The following URGCP variants were observed in gnomAD, a reference collection of about 807,000 sequenced individuals.
The protein encoded by URGCP is upregulator of cell proliferation.
In URGCP, 13 loss-of-function variants were observed where a neutral mutation model predicts 24.6. That is an observed-to-expected ratio of 0.53 (90% CI 0.34 to 0.84). URGCP has a LOEUF of 0.84. Ranked by LOEUF, URGCP falls within the 40% of genes least tolerant of loss-of-function variation. The pLI is 0.01. For missense variants in URGCP, 899 were observed against 1,194.3 expected (o/e 0.75, Z 3.64); for synonymous variants, 444 against 487.2 (o/e 0.91, Z 1.17).
At chr7:43,884,357 C>G (rs942204064) in intron 3 of URGCP, among the ~76,000 whole-genome samples, 1 of 152,176 alleles carries the variant, frequency 6.6e-6, no homozygotes, top group African/African-American at 2.4e-5. Context: ...GAGCCAACGT[C>G]TCCACTATAC....
chr7:43,879,344 C>T, intron 5 of URGCP, 84 bp from the exon 6 acceptor site: 1 of 1,477,052 alleles, frequency 6.8e-7, no homozygotes, highest in Non-Finnish European at 9.0e-7. Flanking sequence ...GAGAGCCCAG[C>T]AGGATGGGGA....
chr7:43,920,925 G>A (rs1035855177), intron 1 of URGCP, among the ~76,000 whole-genome samples: 16 of 152,160 alleles, frequency 1.1e-4, no homozygotes, highest in African/African-American at 3.6e-4. Flanking sequence ...GGCCCCACTC[G>A]AGGCCAATAG....
At chr7:43,898,051 G>T (rs1057501601) in intron 1 of URGCP, among the ~76,000 whole-genome samples, 3 of 152,142 alleles carry the variant, frequency 2.0e-5, no homozygotes, top group African/African-American at 7.2e-5. Context: ...AGCTGGAAGG[G>T]GTTTGGAGAG....
chr7:43,919,733 G>A lies in URGCP; in HGVS notation c.-116+6399C>T, dbSNP rs887820188. 5.1e-6 allele frequency: 7 copies of A among 1,379,070 alleles called. No homozygotes were observed. In the East Asian group the frequency reaches 9.2e-5, roughly 18 times the overall value. The allele number at this position is 1,379,070 out of a possible 1,614,324, so 85.4% of individuals were successfully genotyped here. A position where few individuals can be genotyped will look rare whatever the true frequency, so the allele number is the denominator to read the frequency against. ...TGCAGAGGATCCGGGAATGGAAGTT[G>A]GCCAACTTCATCCTGTTGGGCCCCA... On this transcript the variant is annotated intron_variant, in intron 1 of 5. Transcript: ENST00000426198.
At chr7:43,898,833 G>T (rs1461799436) in intron 1 of URGCP, among the ~76,000 whole-genome samples, 1 of 146,344 alleles carries the variant, frequency 6.8e-6, no homozygotes, top group African/African-American at 2.5e-5. Context: ...TTTTCAGAGA[G>T]GAAAGAGTTA....
At chr7:43,886,867 G>A (rs1369727620) in intron 3 of URGCP, among the ~76,000 whole-genome samples, 1 of 152,208 alleles carries the variant, frequency 6.6e-6, no homozygotes, top group African/African-American at 2.4e-5. Context: ...CCTTAAAGGT[G>A]AATTTACAAA....
At chr7:43,888,630 T>G (rs1045499143) in intron 1 of URGCP, 3 of 151,926 alleles carry the variant, frequency 2.0e-5, no homozygotes, top group Admixed American at 1.3e-4. Flanking sequence ...AAACATAGAA[T>G]GGAGAGTTAC....
intron 3 of URGCP, 26 bp downstream of exon 3, chr7:43,887,389 C>A: frequency 3.7e-6 from 6 of 1,612,822 alleles, no homozygotes; most frequent in Non-Finnish European, 5.1e-6. Context: ...CCAGAGTGGG[C>A]CCACATCCAA....
intron 1 of URGCP, among the ~76,000 whole-genome samples, chr7:43,898,327 T>C (rs2095882560): frequency 6.6e-6 from 1 of 152,200 alleles, no homozygotes; most frequent in Non-Finnish European, 1.5e-5. Context: ...GCCTTCCTAT[T>C]ATACAAATAG....
rs542974573 is a variant in URGCP, at chr7:43,877,391, C to T, written c.2072G>A (p.Arg691Lys). The change falls in exon 6 of 6, where the codon AGG (arginine) becomes AAG (lysine). Residue 691 changes from arginine (R) to lysine (K), a missense_variant. Arg to Lys is a conservative substitution (Grantham distance 26). Coordinates refer to ENST00000453200, the MANE Select transcript of URGCP (RefSeq NM_001077663.3). The stretch of plus-strand genomic sequence containing the variant: ...CCCGACGGTTGACAGAACCACCAGC[C>T]TTGACCGTCTCTCCAGTCGGACGTG... ...ELHVRLERRSRLVVLSTVGVP... is the reference protein window; with the variant it reads ...ELHVRLERRSKLVVLSTVGVP... 1.1e-5 allele frequency: 18 copies of T among 1,613,118 alleles called. No individual in the cohort carries two copies. The highest frequency in any genetic ancestry group is 1.4e-5 in the Non-Finnish European group (17 of 1,180,028).
At chr7:43,906,606 T>G, upstream of URGCP, 1 of 1,200,778 alleles carries the variant, frequency 8.3e-7, no homozygotes. Context: ...TCCCGCCTCC[T>G]TCGCTTCCTC....
At chr7:43,904,635 C>T (rs1018737428) in intron 1 of URGCP, among the ~76,000 whole-genome samples, 3 of 152,180 alleles carry the variant, frequency 2.0e-5, no homozygotes, top group African/African-American at 7.2e-5. Context: ...TGCCAGTGTA[C>T]ATAATATGTG....
At chr7:43,904,121 A>G (rs1165072119) in intron 1 of URGCP, among the ~76,000 whole-genome samples, 1 of 152,138 alleles carries the variant, frequency 6.6e-6, no homozygotes, top group Admixed American at 6.5e-5. Context: ...AAATAGTTTC[A>G]TTTACCTTCA....
At chr7:43,880,930 A>T (rs748542947) in intron 5 of URGCP, among the ~76,000 whole-genome samples, 1 of 152,204 alleles carries the variant, frequency 6.6e-6, no homozygotes, top group Non-Finnish European at 1.5e-5. Context: ...CACTTTCCAT[A>T]CGACCAGCAG....
rs1352447387 is a variant in URGCP at position 43,923,279 on chromosome 7, G to GC, written c.-116+2852dup. 5.6e-5 allele frequency among the ~76,000 whole-genome samples: 7 copies of GC among 124,194 alleles called. No homozygotes were observed. In the South Asian group the frequency reaches 2.0e-3, roughly 35 times the overall value. 81.5% of individuals were successfully genotyped at this position (124,194 alleles called of 152,430 possible). On this transcript the variant is annotated intron_variant, in intron 1 of 5. Transcript: ENST00000426198. ...TTACAGGTGTGAGCCACTGTGCCCA[G>GC]CCTTTTTTTTTTTTTTTTTCCCAAA...
chr7:43,890,125 G>A (rs1373899996), intron 1 of URGCP, among the ~76,000 whole-genome samples: 2 of 151,014 alleles, frequency 1.3e-5, no homozygotes, highest in East Asian at 3.9e-4. Context: ...GGCTGGTCTT[G>A]AACTCCTGAC....
chr7:43,922,886 TTTTC>T (rs926670642), intron 1 of URGCP, among the ~76,000 whole-genome samples: 1 of 152,006 alleles, frequency 6.6e-6, no homozygotes, highest in Admixed American at 6.6e-5. Context: ...AGGCATTTTT[TTTTC>T]TTTCTCTTTC....
chr7:43,894,327 A>C (rs945772340), intron 1 of URGCP, among the ~76,000 whole-genome samples: 1 of 152,218 alleles, frequency 6.6e-6, no homozygotes, highest in African/African-American at 2.4e-5. Flanking sequence ...GTAGTGGCAC[A>C]AAATAAATCA....
At chr7:43,919,590 C>A in intron 1 of URGCP, 1 of 1,420,346 alleles carries the variant, frequency 7.0e-7, no homozygotes, top group Non-Finnish European at 1.0e-6. Context: ...GAGGTGGCTG[C>A]TGCAGCCCAA....
Sources: allele counts gnomAD v4.1 joint callset (sites outside exome capture counted in the v4.1 genomes callset), GRCh38; gene constraint gnomAD v4.1.1; transcripts MANE v1.5; gene names NCBI Gene and HGNC (gene_info 2026-07-23, HGNC 2026-07-21).